The following SLC35G2 variants were observed in gnomAD, a reference collection of about 807,000 sequenced individuals.
The protein encoded by SLC35G2 is solute carrier family 35 member G2.
Under a neutral mutation model 27.2 loss-of-function variants are expected in SLC35G2, and 20 were observed. That is an observed-to-expected ratio of 0.74 (90% CI 0.52 to 1.07). SLC35G2 has a LOEUF of 1.07. Ranked by LOEUF, SLC35G2 falls within the 50% of genes least tolerant of loss-of-function variation. SLC35G2 has a pLI of 0.00. For synonymous variants in SLC35G2, 148 were observed against 165.3 expected (o/e 0.90, Z 0.80); for missense variants, 416 against 493.3 (o/e 0.84, Z 1.48).
chr3:136,835,455 ATAT>A (rs2108006222), intron 1 of SLC35G2, among the ~76,000 whole-genome samples: 1 of 152,082 alleles, frequency 6.6e-6, no homozygotes, highest in African/African-American at 2.4e-5. Context: ...AAGGCACATA[ATAT>A]TGTTTTTTTG....
chr3:136,821,351 T>C (rs549771070), intron 1 of SLC35G2, among the ~76,000 whole-genome samples: 1 of 152,312 alleles, frequency 6.6e-6, no homozygotes, highest in East Asian at 1.9e-4. Flanking sequence ...ATGTAAGTTT[T>C]TTAAACAATC....
At chr3:136,852,224 GGAA>G (rs10539700) in intron 1 of SLC35G2, among the ~76,000 whole-genome samples, 102,880 of 151,630 alleles carry the variant, frequency 0.68, 35,171 homozygotes, top group East Asian at 0.87. Flanking sequence ...GTGGTGTGCA[GGAA>G]GAAGGACTGC....
intron 1 of SLC35G2, chr3:136,837,687 T>A (rs894143240): frequency 6.6e-6 from 1 of 152,200 alleles, no homozygotes; most frequent in African/African-American, 2.4e-5. Context: ...CAATTTTTCA[T>A]TGTATAAAGA....
chr3:136,822,823 T>TA (rs1359221951), intron 1 of SLC35G2, among the ~76,000 whole-genome samples: 5 of 152,332 alleles, frequency 3.3e-5, no homozygotes, highest in African/African-American at 1.2e-4. Context: ...GATGGACACT[T>TA]ACGTTGCTTC....
At chr3:136,849,178 C>CAA (rs959103048) in intron 1 of SLC35G2, among the ~76,000 whole-genome samples, 1 of 122,956 alleles carries the variant, frequency 8.1e-6, no homozygotes, top group Non-Finnish European at 1.7e-5. Flanking sequence ...AACTCCGTCT[C>CAA]AAAAAAAAAA....
chr3:136,823,546 T>C (rs1936509921), intron 1 of SLC35G2, among the ~76,000 whole-genome samples: 1 of 152,166 alleles, frequency 6.6e-6, no homozygotes, highest in Admixed American at 6.6e-5. Flanking sequence ...GTTCGAAGAC[T>C]TATATTTAAG....
At chr3:136,824,573 G>A (rs4678271) in intron 1 of SLC35G2, among the ~76,000 whole-genome samples, 115,567 of 152,046 alleles carry the variant, frequency 0.76, 44,235 homozygotes, top group East Asian at 0.92. Context: ...TTGATTTTGT[G>A]TCCTGCAACT....
intron 1 of SLC35G2, among the ~76,000 whole-genome samples, chr3:136,832,163 G>A (rs1208479612): frequency 1.3e-5 from 2 of 151,972 alleles, no homozygotes; most frequent in African/African-American, 2.4e-5. Flanking sequence ...ACAAGTGCCC[G>A]CCACCAGGCC....
At chr3:136,833,956 G>A (rs1020034871) in intron 1 of SLC35G2, among the ~76,000 whole-genome samples, 1 of 151,608 alleles carries the variant, frequency 6.6e-6, no homozygotes, top group Middle Eastern at 3.4e-3. Flanking sequence ...CAATGCTACT[G>A]TATATGGTAT....
intron 1 of SLC35G2, among the ~76,000 whole-genome samples, chr3:136,823,647 G>A (rs1234304710): frequency 2.6e-5 from 4 of 151,968 alleles, no homozygotes; most frequent in Admixed American, 2.6e-4. Flanking sequence ...AGTGCAGTGA[G>A]TGCAGTGGCT....
intron 1 of SLC35G2, among the ~76,000 whole-genome samples, chr3:136,826,660 T>G (rs1936593160): frequency 6.6e-6 from 1 of 152,122 alleles, no homozygotes; most frequent in African/African-American, 2.4e-5. Context: ...TTTATTTTTT[T>G]GAGATGTGGT....
chr3:136,836,570 T>A (rs1292999509), intron 1 of SLC35G2, among the ~76,000 whole-genome samples: 2 of 152,190 alleles, frequency 1.3e-5, no homozygotes, highest in Non-Finnish European at 2.9e-5. Flanking sequence ...GTGAAAATGC[T>A]CATGGAAAAA....
chr3:136,835,641 C>G (rs1036430011), intron 1 of SLC35G2, among the ~76,000 whole-genome samples: 8 of 152,264 alleles, frequency 5.3e-5, no homozygotes, highest in African/African-American at 1.9e-4. Flanking sequence ...TAAACTGTTA[C>G]TAGGATGATT....
rs963701441 is a variant in SLC35G2 at position 136,819,350 on chromosome 3, A to G, written c.-297A>G. On this transcript the variant is annotated 5_prime_UTR_variant, in exon 1 of 2. Transcript: ENST00000446465. ...TTTAGCCGCCACACCTAAGGGGCAC[A>G]ACAGTCTTTTTGGGTAAGGGCCGGG... 6.6e-6 allele frequency: 1 copy of G among 152,332 alleles called. No individual in the cohort carries two copies. The highest frequency in any genetic ancestry group is 2.4e-5 in the African/African-American group (1 of 41,466). The allele number at this position is 152,332 out of a possible 1,614,324, so 9.4% of individuals were successfully genotyped here. A position where few individuals can be genotyped will look rare whatever the true frequency, so the allele number is the denominator to read the frequency against.
At chr3:136,845,830 G>A (rs547838005) in intron 1 of SLC35G2, among the ~76,000 whole-genome samples, 53 of 151,502 alleles carry the variant, frequency 3.5e-4, no homozygotes, top group Non-Finnish European at 6.5e-4. Flanking sequence ...TCTTGACCTT[G>A]TGATCTGCCC....
chr3:136,845,997 T>G (rs1937360120), intron 1 of SLC35G2, among the ~76,000 whole-genome samples: 1 of 152,172 alleles, frequency 6.6e-6, no homozygotes, highest in African/African-American at 2.4e-5. Flanking sequence ...GAGATTTACA[T>G]TTGAAAGGGT....
intron 1 of SLC35G2, chr3:136,838,745 T>C (rs1275201107): frequency 6.6e-6 from 1 of 152,240 alleles, no homozygotes. Context: ...GATTTGATAG[T>C]AGCTTCTGTT....
At chr3:136,832,332 G>A (rs955538749) in intron 1 of SLC35G2, among the ~76,000 whole-genome samples, 2 of 152,066 alleles carry the variant, frequency 1.3e-5, no homozygotes, top group African/African-American at 4.8e-5. Flanking sequence ...TAATCTAGAA[G>A]TTTCTCTTTT....
chr3:136,837,094 T>C (rs996028924), intron 1 of SLC35G2, among the ~76,000 whole-genome samples: 6 of 152,336 alleles, frequency 3.9e-5, no homozygotes, highest in African/African-American at 1.2e-4. Flanking sequence ...ACTTACATTA[T>C]GTTTTTGGTT....
Sources: allele counts gnomAD v4.1 joint callset (sites outside exome capture counted in the v4.1 genomes callset), GRCh38; gene constraint gnomAD v4.1.1; transcripts MANE v1.5; gene names NCBI Gene and HGNC (gene_info 2026-07-23, HGNC 2026-07-21).